The following R3HDM1 variants were observed in gnomAD, a reference collection of about 807,000 sequenced individuals.
R3HDM1 encodes the protein R3H domain-containing protein 1.
R3HDM1 carries 46 observed loss-of-function variants against 141.1 expected under a neutral mutation model. That is an observed-to-expected ratio of 0.33 (90% confidence interval 0.26 to 0.42). R3HDM1 has a LOEUF of 0.42. R3HDM1 is among the 10% of genes least tolerant of loss of function. R3HDM1 has a pLI of 1.00. For synonymous variants in R3HDM1, 435 were observed against 472.9 expected, an observed-to-expected ratio of 0.92 and a Z score of 1.04; for missense variants, 1,184 against 1,368.3, an observed-to-expected ratio of 0.87 and a Z score of 2.12.
At chr2:135,531,880 C>T (rs1034774692) in intron 1 of R3HDM1, among the ~76,000 whole-genome samples, 33 of 152,326 alleles carry the variant, frequency 2.2e-4, no homozygotes, top group Non-Finnish European at 4.7e-4. Context: ...CCCGCGGCTG[C>T]GGCTCCGGCT....
intron 24 of R3HDM1, 191 bp from the exon 25 acceptor site, chr2:135,721,733 G>A (rs1575275572): frequency 9.5e-6 from 4 of 421,268 alleles, no homozygotes; most frequent in East Asian, 4.9e-5. Flanking sequence ...AATTACAGGC[G>A]CCCACCACCA....
At chr2:135,636,515 C>T (rs1226598061) in intron 11 of R3HDM1, among the ~76,000 whole-genome samples, 4 of 152,044 alleles carry the variant, frequency 2.6e-5, no homozygotes, top group East Asian at 3.8e-4. Flanking sequence ...AGAAATTGCT[C>T]CACTGTCTAC....
intron 25 of R3HDM1, 58 bp from the exon 26 acceptor site, chr2:135,722,411 C>T: frequency 3.2e-6 from 5 of 1,562,190 alleles, no homozygotes; most frequent in Non-Finnish European, 4.4e-6. Flanking sequence ...TGTTAAACAT[C>T]CAAAGTGTGT....
chr2:135,567,580 T>C (rs1276157940), intron 1 of R3HDM1, among the ~76,000 whole-genome samples: 1 of 152,178 alleles, frequency 6.6e-6, no homozygotes, highest in Non-Finnish European at 1.5e-5. Context: ...TATTTTATCT[T>C]CCCTTTAAAA....
At chr2:135,586,106 C>T in intron 1 of R3HDM1, 1 of 152,082 alleles carries the variant, frequency 6.6e-6, no homozygotes, top group South Asian at 2.1e-4. Flanking sequence ...TTTTCTTCAA[C>T]CTGGGATCAG....
At chr2:135,535,967 C>T (rs1696010743) in intron 1 of R3HDM1, among the ~76,000 whole-genome samples, 1 of 152,108 alleles carries the variant, frequency 6.6e-6, no homozygotes, top group African/African-American at 2.4e-5. Context: ...TCTTAGTCTC[C>T]ATACACACCT....
chr2:135,657,261 A>C (rs1428588615), intron 18 of R3HDM1, among the ~76,000 whole-genome samples: 1 of 151,754 alleles, frequency 6.6e-6, no homozygotes, highest in Admixed American at 6.6e-5. Flanking sequence ...AAAAAAAAAA[A>C]TTAGCCAGGT....
rs534155243 is a variant in R3HDM1 at position 135,591,939 on chromosome 2, C to T, written c.-249-10561C>T. On this transcript the variant is annotated intron_variant, in intron 1 of 26. Transcript: ENST00000683871. ...ATGTATTGTCTTTCCTGCACATTGGCGTTTGTTAATTTGCAGACAATCAGG... is the reference window on the plus strand; with the variant it reads ...ATGTATTGTCTTTCCTGCACATTGGTGTTTGTTAATTTGCAGACAATCAGG... 2.6e-5 allele frequency among the ~76,000 whole-genome samples: 4 copies of T among 152,268 alleles called. No homozygotes were observed. In the East Asian group the frequency reaches 5.8e-4, roughly 22 times the overall value.
chr2:135,653,348 T>G (rs2065371285), intron 18 of R3HDM1, among the ~76,000 whole-genome samples: 1 of 152,144 alleles, frequency 6.6e-6, no homozygotes, highest in Non-Finnish European at 1.5e-5. Context: ...AGAGCAAGAC[T>G]CCATCTCAAA....
intron 11 of R3HDM1, 100 bp from the exon 12 acceptor site, chr2:135,638,518 A>C: frequency 8.2e-7 from 1 of 1,217,002 alleles, no homozygotes; most frequent in Non-Finnish European, 1.2e-6. Context: ...TTTTTAACTT[A>C]CATTATTACA....
intron 1 of R3HDM1, among the ~76,000 whole-genome samples, chr2:135,582,865 T>C (rs1707125297): frequency 6.6e-6 from 1 of 152,082 alleles, no homozygotes; most frequent in South Asian, 2.1e-4. Context: ...AAATTCTTAA[T>C]AAATAAAAAA....
At chr2:135,685,619 G>A (rs1260445974) in intron 21 of R3HDM1, among the ~76,000 whole-genome samples, 1 of 152,058 alleles carries the variant, frequency 6.6e-6, no homozygotes, top group Non-Finnish European at 1.5e-5. Context: ...ATTTATCTGA[G>A]AAATTTCTCT....
intron 12 of R3HDM1, 36 bp from the exon 13 acceptor site, chr2:135,638,703 A>G (rs2063499206): frequency 1.2e-6 from 2 of 1,612,826 alleles, no homozygotes; most frequent in Non-Finnish European, 1.7e-6. Flanking sequence ...GACTGATGCT[A>G]ATAAAAATTA....
chr2:135,602,041 T>G (rs906221100), intron 1 of R3HDM1, among the ~76,000 whole-genome samples: 12 of 152,022 alleles, frequency 7.9e-5, no homozygotes, highest in Non-Finnish European at 1.6e-4. Flanking sequence ...TATTTTTGTT[T>G]TATTTTTTCT....
At chr2:135,632,411 C>T (rs997910130) in intron 9 of R3HDM1, among the ~76,000 whole-genome samples, 9 of 151,896 alleles carry the variant, frequency 5.9e-5, no homozygotes, top group East Asian at 1.9e-4. Flanking sequence ...GTCAGTTTAC[C>T]GTTCTTTCCA....
At chr2:135,627,591 A>G (rs1402783159) in intron 7 of R3HDM1, among the ~76,000 whole-genome samples, 1 of 152,114 alleles carries the variant, frequency 6.6e-6, no homozygotes, top group Non-Finnish European at 1.5e-5. Flanking sequence ...CATATTGTAT[A>G]AATTTTATAT....
chr2:135,604,815 T>G lies in R3HDM1; in HGVS notation c.-31T>G. ...ATTTTTTTTTCTTAAGGCTTCAAGC[T>G]CCCTGTAGAATTCGAAAATAACCTT... On this transcript the variant is annotated 5_prime_UTR_variant, in exon 3 of 27. Coordinates refer to ENST00000683871, the MANE Select transcript of R3HDM1 (RefSeq NM_001378107.1). 1 of 1,605,918 alleles carries G rather than the reference T, an allele frequency of 6.2e-7. No homozygotes were observed. Among genetic ancestry groups the G allele is most frequent in the Non-Finnish European group, 8.5e-7 (1 of 1,174,872 alleles).
intron 18 of R3HDM1, among the ~76,000 whole-genome samples, chr2:135,654,416 G>A (rs1338547824): frequency 6.7e-6 from 1 of 148,408 alleles, no homozygotes; most frequent in African/African-American, 2.5e-5. Flanking sequence ...TTGAAATTTG[G>A]AATGTTTTCT....
At chr2:135,649,809 C>A in intron 16 of R3HDM1, 93 bp from the exon 17 acceptor site, 1 of 657,942 alleles carries the variant, frequency 1.5e-6, no homozygotes, top group Non-Finnish European at 2.0e-6. Context: ...GTAGTTAAAG[C>A]TATTGCCAAA....
Sources: allele counts gnomAD v4.1 joint callset (sites outside exome capture counted in the v4.1 genomes callset), GRCh38; gene constraint gnomAD v4.1.1; transcripts MANE v1.5; gene names NCBI Gene and HGNC (gene_info 2026-07-23, HGNC 2026-07-21).